The following HERC2 variants were observed in gnomAD, a reference collection of about 807,000 sequenced individuals.
HERC2 encodes the protein E3 ubiquitin-protein ligase HERC2.
HERC2 carries 102 observed loss-of-function variants against 537.7 expected under a neutral mutation model. That is an observed-to-expected ratio of 0.19 (90% CI 0.16 to 0.22). HERC2 has a LOEUF of 0.22. Among genes scored for constraint, HERC2 ranks in the 10% least tolerant of loss-of-function variants. The pLI is 1.00. For missense variants in HERC2, 4,236 were observed against 6,198.2 expected, an observed-to-expected ratio of 0.68 and a Z score of 10.63; for synonymous variants, 2,224 against 2,466.2, an observed-to-expected ratio of 0.90 and a Z score of 2.91.
chr15:28,215,173 G>A (rs571031539), intron 39 of HERC2, among the ~76,000 whole-genome samples: 51 of 152,122 alleles, frequency 3.4e-4, no homozygotes, highest in African/African-American at 7.0e-4. Flanking sequence ...CACTGCGCCC[G>A]GCCTCTCTTT....
At chr15:28,291,995 A>C (rs973593664) in intron 4 of HERC2, among the ~76,000 whole-genome samples, 9 of 151,210 alleles carry the variant, frequency 6.0e-5, no homozygotes, top group Non-Finnish European at 1.2e-4. Flanking sequence ...TAGGAGGCCA[A>C]GGTGGGTGGA....
intron 4 of HERC2, among the ~76,000 whole-genome samples, chr15:28,282,700 G>A (rs934685081): frequency 2.6e-5 from 4 of 152,148 alleles, no homozygotes; most frequent in African/African-American, 4.8e-5. Flanking sequence ...TTCGGAGGCC[G>A]AGGCAGGCGG....
At chr15:28,127,986 A>G (rs774846384) in intron 83 of HERC2, among the ~76,000 whole-genome samples, 2 of 152,220 alleles carry the variant, frequency 1.3e-5, no homozygotes, top group East Asian at 3.8e-4. Context: ...CATGGCAGAC[A>G]ATGTAACCAA....
At chr15:28,126,278 G>T (rs1313926787) in intron 83 of HERC2, among the ~76,000 whole-genome samples, 1 of 152,172 alleles carries the variant, frequency 6.6e-6, no homozygotes, top group Non-Finnish European at 1.5e-5. Flanking sequence ...GTGAAAACGC[G>T]TTGTGATGGA....
chr15:28,142,256 G>A lies in HERC2; in HGVS notation c.11682C>T (p.Pro3894=), dbSNP rs1891302522. ...AVALDKRTPL[P]RLFLDEVAKK... is the part of the protein sequence containing the mutation. The stretch of plus-strand genomic sequence containing the variant: ...GCAATACCTCATCAAGAAACAGACG[G>A]GGCAACGGTGTTCTTTTGTCAAGGG... Residue 3894 remains proline (P), a synonymous_variant, in exon 76 of 93, where the codon CCC becomes CCT. Transcript: ENST00000261609. The A allele has an allele frequency of 6.2e-7, 1 of 1,614,032 alleles. No homozygotes were observed. Among genetic ancestry groups the A allele is most frequent in the African/African-American group, 1.3e-5 (1 of 74,918 alleles).
chr15:28,295,322 T>TGGGGGGGGGGGGGGGGGGGGGGG (rs1567131969), intron 3 of HERC2, among the ~76,000 whole-genome samples: 1 of 8,016 alleles, frequency 1.2e-4, no homozygotes. Flanking sequence ...GGGGGGGGAG[T>TGGGGGGGGGGGGGGGGGGGGGGG]GGGGGGGAGG....
chr15:28,293,418 G>A (rs111806215), intron 3 of HERC2, among the ~76,000 whole-genome samples: 4 of 151,092 alleles, frequency 2.6e-5, no homozygotes, highest in Admixed American at 1.3e-4. Context: ...GCGTGAACCC[G>A]GGAGGCAGAG....
At chr15:28,298,150 G>GT (rs1355374684) in intron 3 of HERC2, among the ~76,000 whole-genome samples, 1 of 149,880 alleles carries the variant, frequency 6.7e-6, no homozygotes, top group African/African-American at 2.4e-5. Context: ...TTTGTTTTGT[G>GT]TTTTTTGTTT....
chr15:28,256,498 G>C (rs925583017), intron 17 of HERC2, among the ~76,000 whole-genome samples, 181 bp from the exon 18 acceptor site: 3 of 152,166 alleles, frequency 2.0e-5, no homozygotes, highest in Admixed American at 2.0e-4. Context: ...GTATTTGCTA[G>C]AGGAATCTTT....
At chr15:28,157,468 C>G (rs1376111317) in intron 69 of HERC2, among the ~76,000 whole-genome samples, 1 of 152,132 alleles carries the variant, frequency 6.6e-6, no homozygotes, top group Non-Finnish European at 1.5e-5. Context: ...CTGGTTTAGT[C>G]TTGGGTGGGT....
At position 28,176,906 on chromosome 15, in the gene HERC2, C is replaced by G; in HGVS notation, c.9432+44G>C. On this transcript the variant is annotated intron_variant, in intron 61 of 92. Coordinates refer to ENST00000261609, the MANE Select transcript of HERC2 (RefSeq NM_004667.6). This position sits in a 1 kb window ranked among gnomAD's most constrained non-coding sequence, Gnocchi z 5.0. ...GAAGCTTATTTTCTCTTGACATCTT[C>G]AGATGGTAAGCTTTCTGCAAGCAAC... 1 of 1,594,588 alleles carries G rather than the reference C, an allele frequency of 6.3e-7. No individual in the cohort carries two copies. The highest frequency in any genetic ancestry group is 8.6e-7 in the Non-Finnish European group (1 of 1,166,012).
intron 70 of HERC2, among the ~76,000 whole-genome samples, chr15:28,146,702 T>G (rs1196136914): frequency 6.6e-6 from 1 of 150,598 alleles, no homozygotes; most frequent in African/African-American, 2.5e-5. Context: ...ATGGCAGCTG[T>G]GGGTCACCTG....
chr15:28,174,088 A>G (rs1894986087), intron 65 of HERC2, among the ~76,000 whole-genome samples: 1 of 152,104 alleles, frequency 6.6e-6, no homozygotes, highest in South Asian at 2.1e-4. Flanking sequence ...GTTAAAAAAT[A>G]CAAAAGAGCC....
chr15:28,239,074 T>C (rs1200142321), intron 23 of HERC2, among the ~76,000 whole-genome samples: 1 of 152,182 alleles, frequency 6.6e-6, no homozygotes, highest in Non-Finnish European at 1.5e-5. Context: ...GCAGTTAAAT[T>C]AGAAATAGGT....
In HERC2 at chr15:28,274,357, G is replaced by A; in HGVS notation, c.734C>T (p.Thr245Ile). The A allele has an allele frequency of 6.2e-7, 1 of 1,614,218 alleles. No individual in the cohort carries two copies. The highest frequency in any genetic ancestry group is 8.5e-7 in the Non-Finnish European group (1 of 1,180,042). The change falls in exon 7 of 93, where the codon ACC (threonine) becomes ATC (isoleucine). Residue 245 changes from threonine (T) to isoleucine (I), a missense_variant. Physicochemically the swap from Thr to Ile is moderately conservative, Grantham distance 89 (BLOSUM62 -1). Transcript: ENST00000261609. ...LPEASLFDES[T>I]VSSVWLEVVE... is the part of the protein sequence containing the mutation. ...CACCTCCAGCCACACAGAGGACACG[G>A]TGCTCTCGTCAAAGAGCGAGGCCTC... is the stretch of plus-strand genomic sequence containing the variant.
chr15:28,215,720 C>A lies in HERC2; in HGVS notation c.6111G>T (p.Pro2037=), dbSNP rs768101033. 6.2e-7 allele frequency: 1 copy of A among 1,612,004 alleles called. No homozygotes were observed. Among genetic ancestry groups the A allele is most frequent in the East Asian group, 2.2e-5 (1 of 44,882 alleles). The change falls in exon 39 of 93, where the codon CCG becomes CCT. Residue 2037 remains proline, a synonymous_variant. Transcript: ENST00000261609. Reference sequence around the variant, plus strand: ...GGGAGCTGAGGGCGCCGCATACCTGCGGCGTGAGAGCGATGCTCCGCACAA... The same window carrying A: ...GGGAGCTGAGGGCGCCGCATACCTGAGGCGTGAGAGCGATGCTCCGCACAA... ...LGFVRSIALT[P]QVCGALSSPQ...
intron 77 of HERC2, 44 bp from the exon 78 acceptor site, chr15:28,141,674 T>C (rs1891237623): frequency 1.2e-6 from 2 of 1,611,874 alleles, no homozygotes; most frequent in Non-Finnish European, 1.7e-6. Context: ...GCAAGAACAA[T>C]GCACACAGCC....
chr15:28,319,328 G>A (rs1401071007), intron 2 of HERC2, among the ~76,000 whole-genome samples: 97 of 152,150 alleles, frequency 6.4e-4, no homozygotes, highest in Non-Finnish European at 1.1e-3. Flanking sequence ...GCTCACGCCT[G>A]TAATCCCAGC....
chr15:28,179,739 T>A (rs371129792), intron 57 of HERC2, among the ~76,000 whole-genome samples: 1 of 152,236 alleles, frequency 6.6e-6, no homozygotes, highest in Non-Finnish European at 1.5e-5. Context: ...AGAGCAACAC[T>A]ATGATCCTAG....
Sources: gnomAD v4.1 joint callset for allele counts (sites outside exome capture counted in the v4.1 genomes callset) on GRCh38, gnomAD v4.1.1 for gene constraint, Gnocchi (gnomAD v3.1) non-coding constraint, MANE v1.5 for transcripts, NCBI Gene and HGNC (gene_info 2026-07-23, HGNC 2026-07-21) for gene names.